Variants in ATG14 observed in about 807,000 individuals in gnomAD.
ATG14 encodes the protein autophagy related 14.
Under a neutral mutation model 60.4 loss-of-function variants are expected in ATG14, and 35 were observed. That is an observed-to-expected ratio of 0.58 (90% confidence interval 0.44 to 0.77). The LOEUF (loss-of-function observed/expected upper bound fraction) is 0.77, where lower values mean the gene tolerates loss of function less well. Ranked by LOEUF, ATG14 falls within the 30% of genes least tolerant of loss-of-function variation. The pLI is 0.00. For synonymous variants in ATG14, 234 were observed against 228.8 expected (o/e 1.02, Z -0.21); for missense variants, 647 against 626.3 (o/e 1.03, Z -0.35).
At chr14:55,380,736 A>AAAAC in intron 6 of ATG14, 46 bp from the exon 7 acceptor site, 1 of 1,277,406 alleles carries the variant, frequency 7.8e-7, no homozygotes, top group Non-Finnish European at 1.1e-6. Flanking sequence ...TAATTCCAAC[A>AAAAC]AAACTACTAA....
chr14:55,387,325 G>A (rs1333486274), intron 4 of ATG14, among the ~76,000 whole-genome samples: 1 of 152,130 alleles, frequency 6.6e-6, no homozygotes. Flanking sequence ...GGAACCACTT[G>A]AACGTATGGA....
intron 1 of ATG14, among the ~76,000 whole-genome samples, chr14:55,400,769 T>C (rs1447175336): frequency 1.3e-5 from 2 of 152,020 alleles, no homozygotes; most frequent in Non-Finnish European, 2.9e-5. Context: ...CCAGGTGTGG[T>C]GGCGGGCACC....
chr14:55,376,288 C>G (rs1884918416), intron 9 of ATG14, among the ~76,000 whole-genome samples: 2 of 152,324 alleles, frequency 1.3e-5, no homozygotes, highest in South Asian at 2.1e-4. Context: ...TAAATATTAG[C>G]TCTTATTAGT....
intron 1 of ATG14, among the ~76,000 whole-genome samples, chr14:55,410,061 G>A (rs1213118239): frequency 6.6e-6 from 1 of 152,144 alleles, no homozygotes; most frequent in African/African-American, 2.4e-5. Context: ...GTTAAGAGAG[G>A]AGTCAAGGAG....
intron 5 of ATG14, 65 bp downstream of exon 5, chr14:55,385,794 G>A: frequency 7.7e-7 from 1 of 1,304,806 alleles, no homozygotes; most frequent in South Asian, 1.4e-5. Flanking sequence ...ATAAGGTAAT[G>A]ACATACTTTA....
chr14:55,392,530 T>C (rs1295400486), intron 3 of ATG14, among the ~76,000 whole-genome samples: 1 of 151,144 alleles, frequency 6.6e-6, no homozygotes, highest in Non-Finnish European at 1.5e-5. Flanking sequence ...GCATCTATAG[T>C]CCCAGCTACC....
In ATG14 at chr14:55,367,065, C is replaced by T. The variant is rs1379485202; in HGVS notation, c.*2554G>A. 6.6e-6 allele frequency: 1 copy of T among 152,624 alleles called. No homozygotes were observed. Among genetic ancestry groups the T allele is most frequent in the Non-Finnish European group, 1.5e-5 (1 of 68,038 alleles). 9.5% of individuals were successfully genotyped at this position (152,624 alleles called of 1,614,324 possible). On this transcript the variant is annotated 3_prime_UTR_variant, in exon 10 of 10. Transcript: ENST00000247178. ...TTAACAACAACAAACAAAATATATC[C>T]TATCCATAAAGTTCCCACATCTTTG...
In ATG14 at chr14:55,380,639, G is replaced by C. The variant is rs746504133; in HGVS notation, c.929C>G (p.Ala310Gly). The C allele has an allele frequency of 6.2e-7, 1 of 1,613,378 alleles. No individual in the cohort carries two copies. The highest frequency in any genetic ancestry group is 1.1e-5 in the South Asian group (1 of 90,918). Residue 310 changes from alanine to glycine, a missense_variant, in exon 7 of 10, where the codon GCA becomes GGA. Coordinates refer to ENST00000247178, the MANE Select transcript of ATG14 (RefSeq NM_014924.5). ...AGACAGAATGTTGACCAGCTGAGTT[G>C]CATAGCACAGCGCAGCACTGATGGT... Reference protein sequence around the residue: ...AYTISAALCYATQLVNILSHI... With the variant: ...AYTISAALCYGTQLVNILSHI...
Position 55,367,928 on chromosome 14 carries a change from C to G in ATG14, c.*1691G>C, listed in dbSNP as rs1367745807. The G allele has an allele frequency of 1.3e-5, 2 of 152,526 alleles. No individual in the cohort carries two copies. The highest frequency in any genetic ancestry group is 4.8e-5 in the African/African-American group (2 of 41,412). 9.4% of individuals were successfully genotyped at this position (152,526 alleles called of 1,614,324 possible). ...CTATATAGCACCTCGGACTTGGAGG[C>G]AAAGTATCAACTACAATTATTATGA... On this transcript the variant is annotated 3_prime_UTR_variant, in exon 10 of 10. Coordinates refer to ENST00000247178, the MANE Select transcript of ATG14 (RefSeq NM_014924.5).
intron 5 of ATG14, among the ~76,000 whole-genome samples, chr14:55,385,336 A>G (rs1318053090): frequency 1.3e-5 from 2 of 152,110 alleles, no homozygotes; most frequent in African/African-American, 4.8e-5. Flanking sequence ...TCTGTCACCC[A>G]GGCTGGAGTG....
rs58571408 is a variant in ATG14 at position 55,374,591 on chromosome 14, C to T, written c.1172+3228G>A. Among the ~76,000 whole-genome samples, 151 of 152,304 alleles carry T rather than the reference C, an allele frequency of 9.9e-4. 2 individuals carry two copies. Among genetic ancestry groups the T allele is most frequent in the African/African-American group, 3.3e-3 (139 of 41,572 alleles). On this transcript the variant is annotated intron_variant, in intron 9 of 9. Transcript: ENST00000247178. ...TATGGTTTTTGGGTTTTGTGGCTTA[C>T]TTGGGAATTCCCTCACCACCCTATC... is the stretch of plus-strand genomic sequence containing the variant.
chr14:55,394,977 G>A (rs1022382381), intron 3 of ATG14: 1 of 431,504 alleles, frequency 2.3e-6, no homozygotes, highest in South Asian at 1.7e-5. Flanking sequence ...ACTTCAAAGG[G>A]GCTCTCCTCA....
Position 55,366,586 on chromosome 14 carries a change from C to T in ATG14, c.*3033G>A, listed in dbSNP as rs1884683660. 6.6e-6 allele frequency: 1 copy of T among 152,400 alleles called. No homozygotes were observed. Among genetic ancestry groups the T allele is most frequent in the Admixed American group, 6.5e-5 (1 of 15,272 alleles). The allele number at this position is 152,400 out of a possible 1,614,324, so 9.4% of individuals were successfully genotyped here. A position where few individuals can be genotyped will look rare whatever the true frequency, so the allele number is the denominator to read the frequency against. Reference sequence around the variant, plus strand: ...ATTGAGTCCTTACATGAGTCCCGTCCACTCTACCCAATGGTGATATACTGT... The same window carrying T: ...ATTGAGTCCTTACATGAGTCCCGTCTACTCTACCCAATGGTGATATACTGT... On this transcript the variant is annotated 3_prime_UTR_variant, in exon 10 of 10. Coordinates refer to ENST00000247178, the MANE Select transcript of ATG14 (RefSeq NM_014924.5).
Position 55,381,971 on chromosome 14 carries a change from G to A in ATG14, c.868C>T (p.Gln290Ter). Residue 290 changes from glutamine (Q) to a stop codon, truncating the protein, a stop_gained, in exon 6 of 10, where the codon CAG becomes TAG. Transcript: ENST00000247178. LOFTEE classifies it high-confidence loss of function. ...ATATGCTGCTTCTCACCAGGCCCCT[G>A]GGTTGTTTTCTTCTCCTCCACCCAG... is the stretch of plus-strand genomic sequence containing the variant. ...YSWVEEKKTT[Q>*]GPDMEQSNPA... 1 of 1,613,618 alleles carries A rather than the reference G, an allele frequency of 6.2e-7. No homozygotes were observed. Among genetic ancestry groups the A allele is most frequent in the Non-Finnish European group, 8.5e-7 (1 of 1,179,536 alleles).
At position 55,369,511 on chromosome 14, in the gene ATG14, AC is replaced by A; in HGVS notation, c.*107del. ...AAAGACAAAACAAAACAACACTTTA[AC>A]CTCTTTGTTCCAGACACTATCTTAA... On this transcript the variant is annotated 3_prime_UTR_variant, in exon 10 of 10. Coordinates refer to ENST00000247178, the MANE Select transcript of ATG14 (RefSeq NM_014924.5). 2 of 1,108,744 alleles carry A rather than the reference AC, an allele frequency of 1.8e-6. No homozygotes were observed. The highest frequency in any genetic ancestry group is 2.5e-6 in the Non-Finnish European group (2 of 804,152). 68.7% of individuals were successfully genotyped at this position (1,108,744 alleles called of 1,614,324 possible). A position where few individuals can be genotyped will look rare whatever the true frequency, so the allele number is the denominator to read the frequency against.
At chr14:55,384,598 A>AGAGTCAAGAGAGCAGCTTT (rs1885091624) in intron 5 of ATG14, among the ~76,000 whole-genome samples, 1 of 152,208 alleles carries the variant, frequency 6.6e-6, no homozygotes, top group Admixed American at 6.5e-5. Context: ...CAAAATACTT[A>AGAGTCAAGAGAGCAGCTTT]GAGTCAAGAG....
intron 1 of ATG14, among the ~76,000 whole-genome samples, chr14:55,403,187 T>C (rs1235891481): frequency 6.6e-6 from 1 of 151,878 alleles, no homozygotes; most frequent in African/African-American, 2.4e-5. Flanking sequence ...AATGCTTACA[T>C]ACTCCTTGGT....
chr14:55,392,851 TAG>T (rs1439699351), intron 3 of ATG14, among the ~76,000 whole-genome samples: 2 of 152,078 alleles, frequency 1.3e-5, no homozygotes, highest in African/African-American at 4.8e-5. Context: ...ACATCTCGAA[TAG>T]AGTCAGACAT....
intron 9 of ATG14, among the ~76,000 whole-genome samples, chr14:55,370,966 C>G (rs1884803710): frequency 6.6e-6 from 1 of 152,092 alleles, no homozygotes; most frequent in South Asian, 2.1e-4. Flanking sequence ...TTTCCCCTCC[C>G]TTTCAAATGC....
Sources: allele counts gnomAD v4.1 joint callset (sites outside exome capture counted in the v4.1 genomes callset), GRCh38; gene constraint gnomAD v4.1.1; transcripts MANE v1.5; gene names NCBI Gene and HGNC (gene_info 2026-07-23, HGNC 2026-07-21).